MSRB2: variants seen among roughly 807,000 people sequenced by gnomAD.
MSRB2 encodes the protein methionine-R-sulfoxide reductase B2, mitochondrial.
In MSRB2, 17 loss-of-function variants were observed where a neutral mutation model predicts 19.0. That is an observed-to-expected ratio of 0.89 (90% CI 0.61 to 1.34). MSRB2 has a LOEUF of 1.34. Ranked by LOEUF, MSRB2 falls within the 40% of genes most tolerant of loss-of-function variation. MSRB2 has a pLI of 0.00. For synonymous variants in MSRB2, 107 were observed against 99.7 expected (o/e 1.07, Z -0.44); for missense variants, 208 against 237.6 (o/e 0.88, Z 0.82).
In MSRB2 at chr10:23,101,136, T is replaced by C. The variant is rs1038469401; in HGVS notation, c.119-3008T>C. The stretch of plus-strand genomic sequence containing the variant: ...AGCAGTGTACATGGTACCCAATGTG[T>C]AGTCTTTTATTCCTCATCCCCCTCA... On this transcript the variant is annotated intron_variant, in intron 1 of 4. Transcript: ENST00000376510. Among the ~76,000 whole-genome samples the C allele has an allele frequency of 1.7e-4, 26 of 152,310 alleles. 1 individual carries two copies. Among genetic ancestry groups the C allele is most frequent in the African/African-American group, 6.0e-4 (25 of 41,564 alleles).
At chr10:23,104,015 T>A in intron 1 of MSRB2, 129 bp from the exon 2 acceptor site, 2 of 587,878 alleles carry the variant, frequency 3.4e-6, no homozygotes, top group Non-Finnish European at 5.7e-6. Flanking sequence ...AAGAATAAAC[T>A]CGTGGGAGAG....
intron 1 of MSRB2, among the ~76,000 whole-genome samples, chr10:23,099,783 T>C (rs1382524725): frequency 6.6e-6 from 1 of 152,162 alleles, no homozygotes; most frequent in Admixed American, 6.5e-5. Context: ...AGATAGTCAC[T>C]CTCTAATACG....
At chr10:23,095,979 AT>A (rs1005993379) in intron 1 of MSRB2, among the ~76,000 whole-genome samples, 86 of 148,136 alleles carry the variant, frequency 5.8e-4, no homozygotes, top group South Asian at 1.1e-3. Context: ...TGTGCGCATA[AT>A]TTTTTTTTTC....
At chr10:23,116,401 A>T (rs948698713) in intron 3 of MSRB2, among the ~76,000 whole-genome samples, 6 of 152,218 alleles carry the variant, frequency 3.9e-5, no homozygotes, top group Admixed American at 3.3e-4. Context: ...TACCTATTTA[A>T]CAGATCACAG....
At chr10:23,104,786 C>A (rs12770558) in intron 2 of MSRB2, among the ~76,000 whole-genome samples, 2 of 151,982 alleles carry the variant, frequency 1.3e-5, no homozygotes, top group African/African-American at 2.4e-5. Flanking sequence ...CTCTCACATG[C>A]CCTGGGCTCC....
intron 2 of MSRB2, among the ~76,000 whole-genome samples, chr10:23,108,255 G>C (rs1840005982): frequency 6.6e-6 from 1 of 152,160 alleles, no homozygotes; most frequent in South Asian, 2.1e-4. Flanking sequence ...ACCGCACCTG[G>C]CCTTCACTGA....
chr10:23,111,063 T>C (rs10764383), intron 3 of MSRB2, among the ~76,000 whole-genome samples: 139,445 of 152,250 alleles, frequency 0.92, 64,508 homozygotes, highest in Non-Finnish European at 0.96. Flanking sequence ...CTCTGTGCAT[T>C]GCCCATTAGG....
chr10:23,110,667 C>T (rs962897957), intron 3 of MSRB2, among the ~76,000 whole-genome samples: 3 of 151,428 alleles, frequency 2.0e-5, no homozygotes, highest in African/African-American at 7.3e-5. Context: ...AAATCTAAAC[C>T]GTGATTATAT....
intron 3 of MSRB2, among the ~76,000 whole-genome samples, chr10:23,118,343 T>TG (rs1232677051): frequency 3.6e-4 from 54 of 149,036 alleles, no homozygotes; most frequent in Middle Eastern, 3.4e-3. Context: ...TTTTGTTTTT[T>TG]TTTTTTTTTT....
At chr10:23,109,204 T>C (rs1840017961) in intron 2 of MSRB2, among the ~76,000 whole-genome samples, 1 of 152,158 alleles carries the variant, frequency 6.6e-6, no homozygotes, top group South Asian at 2.1e-4. Flanking sequence ...TTTTATTTAA[T>C]TTTCTTTGAC....
chr10:23,119,311 A>T lies in MSRB2; in HGVS notation c.304A>T (p.Lys102Ter). The change falls in exon 4 of 5, where the codon AAA becomes TAA. Residue 102 changes from lysine (K) to a stop codon, truncating the protein, a stop_gained. Coordinates refer to ENST00000376510, the MANE Select transcript of MSRB2 (RefSeq NM_012228.4). LOFTEE classifies it high-confidence loss of function. The stretch of plus-strand genomic sequence containing the variant: ...CGTTTATGTCTTCCACAGTTCTGAG[A>T]AAAAGTACTGCTCTGGCACTGGGTG... Reference protein sequence around the residue: ...CCDSPLFSSEKKYCSGTGWPS... With the variant: ...CCDSPLFSSE 6.2e-7 allele frequency: 1 copy of T among 1,613,970 alleles called. No individual in the cohort carries two copies. The highest frequency in any genetic ancestry group is 8.5e-7 in the Non-Finnish European group (1 of 1,179,938).
chr10:23,120,128 C>T (rs752202963), intron 4 of MSRB2, among the ~76,000 whole-genome samples: 4 of 152,194 alleles, frequency 2.6e-5, no homozygotes, highest in Non-Finnish European at 5.9e-5. Flanking sequence ...TTGACTTACC[C>T]AGTGTGACTG....
chr10:23,097,223 G>A (rs371703258), intron 1 of MSRB2, among the ~76,000 whole-genome samples: 3 of 152,196 alleles, frequency 2.0e-5, no homozygotes, highest in Admixed American at 1.3e-4. Flanking sequence ...GATAAACGGA[G>A]TATTTCTGTG....
intron 3 of MSRB2, 183 bp from the exon 4 acceptor site, chr10:23,119,121 C>T (rs759032993): frequency 1.4e-6 from 1 of 735,180 alleles, no homozygotes; most frequent in Non-Finnish European, 2.4e-6. Context: ...GAGGCAATGG[C>T]TTCGATAGTG....
At chr10:23,105,751 A>C (rs1228400964) in intron 2 of MSRB2, among the ~76,000 whole-genome samples, 1 of 152,114 alleles carries the variant, frequency 6.6e-6, no homozygotes, top group East Asian at 1.9e-4. Flanking sequence ...CACCTGCAAA[A>C]CTCATGTCAC....
In MSRB2 at chr10:23,120,900, C is replaced by T. The variant is rs1189520220; in HGVS notation, c.*38C>T. ...GTCCCGTTCCCTTGCCACCCCTTCACGTGCACCCTCAATTTCCACAATTCA... is the reference window on the plus strand; with the variant it reads ...GTCCCGTTCCCTTGCCACCCCTTCATGTGCACCCTCAATTTCCACAATTCA... On this transcript the variant is annotated 3_prime_UTR_variant, in exon 5 of 5. Transcript: ENST00000376510. 5 of 1,468,752 alleles carry T rather than the reference C, an allele frequency of 3.4e-6. No homozygotes were observed. The highest frequency in any genetic ancestry group is 2.3e-5 in the East Asian group (1 of 44,104). 91.0% of individuals were successfully genotyped at this position (1,468,752 alleles called of 1,614,324 possible).
Position 23,095,636 on chromosome 10 carries a change from G to C in MSRB2, c.28G>C (p.Gly10Arg). MARLLWLLR[G>R]LTLGTAPRRA... Reference sequence around the variant, plus strand: ...GGCGCGGCTCCTCTGGTTGCTCCGGGGCCTGACCCTCGGAACTGCGCCTCG... The same window carrying C: ...GGCGCGGCTCCTCTGGTTGCTCCGGCGCCTGACCCTCGGAACTGCGCCTCG... Residue 10 changes from glycine (G) to arginine (R), a missense_variant, in exon 1 of 5, where the codon GGC becomes CGC. Gly to Arg is a moderately radical substitution (Grantham distance 125, BLOSUM62 -2). Coordinates refer to ENST00000376510, the MANE Select transcript of MSRB2 (RefSeq NM_012228.4). 6.8e-7 allele frequency: 1 copy of C among 1,463,882 alleles called. No homozygotes were observed. The highest frequency in any genetic ancestry group is 1.5e-5 in the African/African-American group (1 of 68,100). The allele number at this position is 1,463,882 out of a possible 1,614,324, so 90.7% of individuals were successfully genotyped here.
chr10:23,118,342 T>TTG (rs1554795008), intron 3 of MSRB2, among the ~76,000 whole-genome samples: 2 of 148,748 alleles, frequency 1.3e-5, no homozygotes, highest in Non-Finnish European at 3.0e-5. Flanking sequence ...TTTTTGTTTT[T>TTG]TTTTTTTTTT....
intron 1 of MSRB2, among the ~76,000 whole-genome samples, chr10:23,101,713 G>A (rs1163134697): frequency 6.6e-6 from 1 of 152,192 alleles, no homozygotes; most frequent in Admixed American, 6.5e-5. Context: ...AAACCCCAGT[G>A]AGATGAGTAA....
Sources: gnomAD v4.1 joint callset for allele counts (sites outside exome capture counted in the v4.1 genomes callset) on GRCh38, gnomAD v4.1.1 for gene constraint, MANE v1.5 for transcripts, NCBI Gene and HGNC (gene_info 2026-07-23, HGNC 2026-07-21) for gene names.